RHEX: variants seen among roughly 807,000 people sequenced by gnomAD.
RHEX encodes the protein regulator of hemoglobinization and erythroid cell expansion protein.
Under a neutral mutation model 20.1 loss-of-function variants are expected in RHEX, and 18 were observed. The ratio of observed to expected loss-of-function variants is 0.90; its 90% CI spans 0.62 to 1.33. RHEX has a LOEUF of 1.33. Among genes scored for constraint, RHEX ranks in the 40% most tolerant of loss-of-function variants. RHEX has a pLI of 0.00. For synonymous variants in RHEX, 87 were observed against 77.1 expected, an observed-to-expected ratio of 1.13 and a Z score of -0.67; for missense variants, 192 against 214.3, an observed-to-expected ratio of 0.90 and a Z score of 0.65.
chr1:206,087,435 T>A (rs1662861575), intron 1 of RHEX, among the ~76,000 whole-genome samples: 1 of 152,034 alleles, frequency 6.6e-6, no homozygotes, highest in Non-Finnish European at 1.5e-5. Flanking sequence ...TGAAATATAA[T>A]GTATTATTGA....
chr1:206,096,169 A>G (rs1663064762), intron 1 of RHEX, among the ~76,000 whole-genome samples: 1 of 152,154 alleles, frequency 6.6e-6, no homozygotes, highest in Non-Finnish European at 1.5e-5. Context: ...GCTCATTCAT[A>G]TTTTTAATTC....
In RHEX at chr1:206,065,357, A is replaced by G. The variant is rs74144330; in HGVS notation, c.-97+12092A>G. Reference sequence around the variant, plus strand: ...GTGGAAGTAGAGAAGGTGGTAATGCAGGAATGCCCAGTGGTTAAACCCTCA... The same window carrying G: ...GTGGAAGTAGAGAAGGTGGTAATGCGGGAATGCCCAGTGGTTAAACCCTCA... On this transcript the variant is annotated intron_variant, in intron 1 of 5. Coordinates refer to ENST00000331555, the MANE Select transcript of RHEX (RefSeq NM_001007544.4). Among the ~76,000 whole-genome samples the G allele has an allele frequency of 5.0e-3, 769 of 152,282 alleles. 4 individuals carry two copies. Among genetic ancestry groups the G allele is most frequent in the African/African-American group, 0.017 (726 of 41,546 alleles).
At chr1:206,075,041 G>A (rs1436870196) in intron 1 of RHEX, among the ~76,000 whole-genome samples, 6 of 152,196 alleles carry the variant, frequency 3.9e-5, no homozygotes, top group Non-Finnish European at 8.8e-5. Flanking sequence ...TGCCTGTGGT[G>A]TAAATATATT....
chr1:206,059,251 C>T (rs782010536), intron 1 of RHEX, among the ~76,000 whole-genome samples: 3 of 152,170 alleles, frequency 2.0e-5, no homozygotes, highest in Non-Finnish European at 2.9e-5. Flanking sequence ...CCCCTTCCTA[C>T]CCTCCATCCA....
At chr1:206,092,165 T>C (rs1474636032) in intron 1 of RHEX, among the ~76,000 whole-genome samples, 2 of 151,992 alleles carry the variant, frequency 1.3e-5, no homozygotes, top group African/African-American at 4.8e-5. Context: ...CTCAAGCTAT[T>C]CAACTGCCTC....
In RHEX at chr1:206,097,608, G is replaced by T; in HGVS notation, c.-96-125G>T. 8.1e-6 allele frequency: 5 copies of T among 618,250 alleles called. No homozygotes were observed. The South Asian group carries it at 9.6e-5, about 12-fold the overall frequency. The allele number at this position is 618,250 out of a possible 1,614,324, so 38.3% of individuals were successfully genotyped here. Reference sequence around the variant, plus strand: ...AGAATGTATCATGTAGGAAAGTGGGGACTGAAGCAAGTATGATGAATAAAC... The same window carrying T: ...AGAATGTATCATGTAGGAAAGTGGGTACTGAAGCAAGTATGATGAATAAAC... On this transcript the variant is annotated intron_variant, in intron 1 of 5. Coordinates refer to ENST00000331555, the MANE Select transcript of RHEX (RefSeq NM_001007544.4).
Position 206,076,157 on chromosome 1 carries a change from C to CT in RHEX, c.-96-21564dup, listed in dbSNP as rs76616915. Among the ~76,000 whole-genome samples, 363 of 143,022 alleles carry CT rather than the reference C, an allele frequency of 2.5e-3. 1 individual carries two copies. Among genetic ancestry groups the CT allele is most frequent in the East Asian group, 0.015 (73 of 4,908 alleles). 93.8% of individuals were successfully genotyped at this position (143,022 alleles called of 152,430 possible). Reference sequence around the variant, plus strand: ...AAAAAAACATGGATCACCAGGGAGTCTTTTTTTTTTTTAATGAGACAGGGT... The same window carrying CT: ...AAAAAAACATGGATCACCAGGGAGTCTTTTTTTTTTTTTAATGAGACAGGGT... On this transcript the variant is annotated intron_variant, in intron 1 of 5. Transcript: ENST00000331555.
At position 206,067,674 on chromosome 1, in the gene RHEX, A is replaced by G. The variant is rs1553284288; in HGVS notation, c.-97+14409A>G. Among the ~76,000 whole-genome samples the G allele has an allele frequency of 6.6e-6, 1 of 152,158 alleles. No individual in the cohort carries two copies. Among genetic ancestry groups the G allele is most frequent in the East Asian group, 1.9e-4 (1 of 5,198 alleles). On this transcript the variant is annotated intron_variant, in intron 1 of 5. Transcript: ENST00000331555. The surrounding 1 kb of genome is among the most constrained non-coding windows in gnomAD (Gnocchi z 4.6). ...TGTTCCCAAATACCTCACTCCACAC[A>G]TAGCCCCAACAGCACAACCTCATTC...
chr1:206,090,253 C>T (rs1483956014), intron 1 of RHEX, among the ~76,000 whole-genome samples: 1 of 132,632 alleles, frequency 7.5e-6, no homozygotes, highest in East Asian at 2.2e-4. Context: ...ATCCCCCAGT[C>T]TGGAGTGCTG....
intron 1 of RHEX, among the ~76,000 whole-genome samples, chr1:206,057,455 A>G (rs1662215040): frequency 6.6e-6 from 1 of 152,286 alleles, no homozygotes; most frequent in Non-Finnish European, 1.5e-5. Context: ...AAGCTGTATA[A>G]TGGTACCACA....
Position 206,094,305 on chromosome 1 carries a change from C to T in RHEX, c.-96-3428C>T, listed in dbSNP as rs1167423004. Among the ~76,000 whole-genome samples, 4 of 152,112 alleles carry T rather than the reference C, an allele frequency of 2.6e-5. No individual in the cohort carries two copies. In the East Asian group the frequency reaches 7.7e-4, roughly 29 times the overall value. On this transcript the variant is annotated intron_variant, in intron 1 of 5. Coordinates refer to ENST00000331555, the MANE Select transcript of RHEX (RefSeq NM_001007544.4). ...CTCATTGTGGTTAGGGGCCATTAGC[C>T]ACTTAAATAATGACATCTGTCATAA...
At chr1:206,093,444 T>C (rs1174866696) in intron 1 of RHEX, among the ~76,000 whole-genome samples, 2 of 152,076 alleles carry the variant, frequency 1.3e-5, no homozygotes, top group African/African-American at 4.8e-5. Flanking sequence ...CTAATTTTTG[T>C]ATTTTTAGTA....
chr1:206,095,836 A>C (rs1407140251), intron 1 of RHEX, among the ~76,000 whole-genome samples: 1 of 146,944 alleles, frequency 6.8e-6, no homozygotes. Flanking sequence ...ATTTGGGGTA[A>C]TTTTTTTTTT....
At chr1:206,053,792 C>T (rs950251356) in intron 1 of RHEX, among the ~76,000 whole-genome samples, 6 of 152,200 alleles carry the variant, frequency 3.9e-5, no homozygotes, top group African/African-American at 7.2e-5. Context: ...AGTTTCCATA[C>T]ATAGAAAGTT....
chr1:206,063,407 C>T (rs1230828907), intron 1 of RHEX, among the ~76,000 whole-genome samples: 2 of 152,208 alleles, frequency 1.3e-5, no homozygotes, highest in Non-Finnish European at 2.9e-5. Context: ...TGGTCTCCCT[C>T]TCCCTCTCTT....
chr1:206,093,833 G>A (rs1036020010), intron 1 of RHEX, among the ~76,000 whole-genome samples: 5 of 152,098 alleles, frequency 3.3e-5, no homozygotes, highest in Admixed American at 1.3e-4. Flanking sequence ...GCACTGGGAC[G>A]AAGTAGGGTT....
At chr1:206,071,870 A>G (rs925999537) in intron 1 of RHEX, among the ~76,000 whole-genome samples, 9 of 152,104 alleles carry the variant, frequency 5.9e-5, no homozygotes, top group African/African-American at 1.9e-4. Context: ...AAAAAAAAAA[A>G]AAAAAGAAAA....
intron 1 of RHEX, among the ~76,000 whole-genome samples, chr1:206,062,644 G>A (rs77833004): frequency 0.011 from 1,692 of 152,206 alleles, 18 homozygotes; most frequent in Non-Finnish European, 0.016. Flanking sequence ...GCATAGGGGG[G>A]CTGCAGGTGC....
chr1:206,078,861 C>A (rs1363558251), intron 1 of RHEX, among the ~76,000 whole-genome samples: 7 of 152,162 alleles, frequency 4.6e-5, no homozygotes, highest in African/African-American at 1.7e-4. Context: ...TCTGTCTAGA[C>A]CCGCTGGACT....
Sources: gnomAD v4.1 joint callset for allele counts (sites outside exome capture counted in the v4.1 genomes callset) on GRCh38, gnomAD v4.1.1 for gene constraint, Gnocchi (gnomAD v3.1) non-coding constraint, MANE v1.5 for transcripts, NCBI Gene and HGNC (gene_info 2026-07-23, HGNC 2026-07-21) for gene names.